The following ADAMTSL3 variants were observed in gnomAD, a reference collection of about 807,000 sequenced individuals.
The protein encoded by ADAMTSL3 is ADAMTS-like protein 3.
ADAMTSL3 carries 128 observed loss-of-function variants against 201.7 expected under a neutral mutation model. That is an observed-to-expected ratio of 0.63 (90% CI 0.55 to 0.73). ADAMTSL3 has a LOEUF of 0.73. ADAMTSL3 is among the 30% of genes least tolerant of loss of function. The pLI, the probability that ADAMTSL3 is intolerant of heterozygous loss-of-function variation, is 0.00. For missense variants in ADAMTSL3, 1,990 were observed against 2,119.6 expected (o/e 0.94, Z 1.20); for synonymous variants, 738 against 748.4 (o/e 0.99, Z 0.23).
chr15:83,830,184 C>T (rs569661920), intron 6 of ADAMTSL3, among the ~76,000 whole-genome samples: 3 of 152,032 alleles, frequency 2.0e-5, no homozygotes, highest in Non-Finnish European at 4.4e-5. Context: ...ATGAGCTGGG[C>T]GTGCCTGTCA....
intron 2 of ADAMTSL3, among the ~76,000 whole-genome samples, chr15:83,696,823 A>G (rs2061693895): frequency 6.6e-6 from 1 of 152,168 alleles, no homozygotes; most frequent in Admixed American, 6.5e-5. Context: ...AGAGTGCTGC[A>G]TATCCTGATA....
intron 7 of ADAMTSL3, among the ~76,000 whole-genome samples, chr15:83,842,931 C>G (rs902339850): frequency 2.0e-5 from 3 of 152,168 alleles, no homozygotes; most frequent in Non-Finnish European, 4.4e-5. Flanking sequence ...AAGATTAGAA[C>G]TTGAGATAAT....
chr15:83,776,126 T>C (rs11638104), intron 4 of ADAMTSL3, among the ~76,000 whole-genome samples: 22,642 of 152,218 alleles, frequency 0.15, 2,266 homozygotes, highest in Middle Eastern at 0.31. Flanking sequence ...GTGACACATA[T>C]TGAACTCTTC....
At chr15:84,013,965 C>T (rs905447850) in intron 23 of ADAMTSL3, among the ~76,000 whole-genome samples, 3 of 152,144 alleles carry the variant, frequency 2.0e-5, no homozygotes, top group African/African-American at 2.4e-5. Context: ...TGCATTGACC[C>T]GGAATTGAAA....
intron 3 of ADAMTSL3, among the ~76,000 whole-genome samples, chr15:83,744,102 G>A (rs1341285422): frequency 6.6e-6 from 1 of 152,010 alleles, no homozygotes; most frequent in Non-Finnish European, 1.5e-5. Flanking sequence ...TGCCTGCCTC[G>A]GCCTCTCAAA....
At chr15:83,761,074 G>A (rs2062801131) in intron 3 of ADAMTSL3, among the ~76,000 whole-genome samples, 1 of 151,668 alleles carries the variant, frequency 6.6e-6, no homozygotes, top group South Asian at 2.1e-4. Context: ...GATTAAATGT[G>A]TTTTCTTATT....
chr15:83,945,202 A>G (rs1042655532), intron 19 of ADAMTSL3, among the ~76,000 whole-genome samples: 4 of 152,032 alleles, frequency 2.6e-5, no homozygotes, highest in African/African-American at 9.7e-5. Flanking sequence ...TATCCAACTC[A>G]CAAGCAGCTG....
At chr15:83,783,217 A>T (rs2063205485) in intron 4 of ADAMTSL3, among the ~76,000 whole-genome samples, 1 of 151,768 alleles carries the variant, frequency 6.6e-6, no homozygotes, top group African/African-American at 2.4e-5. Flanking sequence ...AAAGTCTGGG[A>T]TGCACGTTCA....
chr15:84,029,927 C>G (rs1274713867), intron 27 of ADAMTSL3, among the ~76,000 whole-genome samples: 1 of 152,252 alleles, frequency 6.6e-6, no homozygotes, highest in Non-Finnish European at 1.5e-5. Flanking sequence ...GGCGCAAGCC[C>G]CAACCCTTGG....
At chr15:83,951,456 G>T (rs1198414847) in intron 19 of ADAMTSL3, among the ~76,000 whole-genome samples, 4 of 151,996 alleles carry the variant, frequency 2.6e-5, no homozygotes, top group Admixed American at 6.6e-5. Flanking sequence ...TGTTCATCAG[G>T]CCCTGTAGTT....
At chr15:83,806,771 T>C (rs1366666167) in intron 5 of ADAMTSL3, among the ~76,000 whole-genome samples, 1 of 152,090 alleles carries the variant, frequency 6.6e-6, no homozygotes, top group Non-Finnish European at 1.5e-5. Context: ...GAGAATTGCT[T>C]GAACCTGAGA....
intron 23 of ADAMTSL3, among the ~76,000 whole-genome samples, chr15:84,010,402 T>C (rs1343013468): frequency 6.6e-6 from 1 of 152,208 alleles, no homozygotes; most frequent in Non-Finnish European, 1.5e-5. Context: ...GAAGAGAGCA[T>C]TGGTATGAAT....
intron 20 of ADAMTSL3, among the ~76,000 whole-genome samples, chr15:83,976,410 G>A (rs907842676): frequency 8.6e-5 from 13 of 152,006 alleles, no homozygotes; most frequent in Non-Finnish European, 1.3e-4. Context: ...GTTTTTCCAC[G>A]GACCAGTCGT....
At chr15:83,974,051 C>T (rs1307091769) in intron 20 of ADAMTSL3, among the ~76,000 whole-genome samples, 1 of 152,212 alleles carries the variant, frequency 6.6e-6, no homozygotes, top group Non-Finnish European at 1.5e-5. Flanking sequence ...ATGACACCCA[C>T]CGCCTGCTTC....
intron 20 of ADAMTSL3, among the ~76,000 whole-genome samples, chr15:83,972,103 G>C (rs1038373656): frequency 1.3e-5 from 2 of 151,958 alleles, no homozygotes; most frequent in African/African-American, 2.4e-5. Context: ...AACATTGTGA[G>C]GCAGATACTA....
intron 20 of ADAMTSL3, among the ~76,000 whole-genome samples, chr15:83,971,853 T>C (rs1373636836): frequency 6.7e-6 from 1 of 148,960 alleles, no homozygotes; most frequent in Non-Finnish European, 1.5e-5. Context: ...CTTATTTTAA[T>C]GCTGCTTAGG....
At chr15:83,787,439 G>A (rs2063282350) in intron 4 of ADAMTSL3, among the ~76,000 whole-genome samples, 1 of 152,162 alleles carries the variant, frequency 6.6e-6, no homozygotes, top group Non-Finnish European at 1.5e-5. Context: ...GGGTCTGTGG[G>A]ATAGGTAAGG....
At chr15:83,677,077 T>C (rs567347707) in intron 2 of ADAMTSL3, among the ~76,000 whole-genome samples, 7 of 152,354 alleles carry the variant, frequency 4.6e-5, no homozygotes, top group Middle Eastern at 3.4e-3. Context: ...TGTTTGGAAA[T>C]TTTCCTGTTA....
intron 6 of ADAMTSL3, among the ~76,000 whole-genome samples, chr15:83,834,102 C>A (rs2064213408): frequency 6.6e-6 from 1 of 152,174 alleles, no homozygotes; most frequent in African/African-American, 2.4e-5. Context: ...TTGCTGATGC[C>A]ACTTGCCCAA....
Sources: allele counts gnomAD v4.1 joint callset (sites outside exome capture counted in the v4.1 genomes callset), GRCh38; gene constraint gnomAD v4.1.1; transcripts MANE v1.5; gene names NCBI Gene and HGNC (gene_info 2026-07-23, HGNC 2026-07-21).